VTI1A: variants seen among roughly 807,000 people sequenced by gnomAD.
The protein encoded by VTI1A is vesicle transport through interaction with t-SNAREs homolog 1A.
In VTI1A, 22 loss-of-function variants were observed where a neutral mutation model predicts 34.9. That is an observed-to-expected ratio of 0.63 (90% CI 0.45 to 0.90). The LOEUF (loss-of-function observed/expected upper bound fraction) is 0.90, where lower values mean the gene tolerates loss of function less well. VTI1A is among the 40% of genes least tolerant of loss of function. The pLI, the probability that VTI1A is intolerant of heterozygous loss-of-function variation, is 0.00. For missense variants in VTI1A, 268 were observed against 275.6 expected (o/e 0.97, Z 0.20); for synonymous variants, 87 against 97.3 (o/e 0.89, Z 0.62).
chr10:112,830,287 C>T, the VTI1A span, among the ~76,000 whole-genome samples: 92 of 152,056 alleles, frequency 6.1e-4, no homozygotes, highest in African/African-American at 2.1e-3. Context: ...GACGCCTACC[C>T]CTGGCCAGGC....
intron 3 of VTI1A, among the ~76,000 whole-genome samples, chr10:112,476,910 G>A (rs936506554): frequency 6.6e-6 from 1 of 152,244 alleles, no homozygotes; most frequent in East Asian, 1.9e-4. Context: ...TTTTGACTTA[G>A]CATATAGCTT....
intron 7 of VTI1A, among the ~76,000 whole-genome samples, chr10:112,697,399 C>CTTTTTTTTTT (rs57723783): frequency 7.0e-5 from 8 of 114,014 alleles, no homozygotes; most frequent in East Asian, 2.6e-4. Flanking sequence ...CTTTTCTTTT[C>CTTTTTTTTTT]TTTTTTTTTT....
intron 5 of VTI1A, among the ~76,000 whole-genome samples, chr10:112,608,226 G>C (rs948404680): frequency 5.3e-5 from 8 of 152,134 alleles, no homozygotes; most frequent in African/African-American, 1.9e-4. Flanking sequence ...CCTTCCAGTA[G>C]AATTAGACAA....
At chr10:112,654,246 C>T (rs1300448485) in intron 5 of VTI1A, among the ~76,000 whole-genome samples, 2 of 152,144 alleles carry the variant, frequency 1.3e-5, no homozygotes, top group African/African-American at 2.4e-5. Flanking sequence ...CATTGACCAG[C>T]AGTTGCCATC....
chr10:112,614,810 C>T (rs1426020436), intron 5 of VTI1A, among the ~76,000 whole-genome samples: 1 of 152,158 alleles, frequency 6.6e-6, no homozygotes, highest in Non-Finnish European at 1.5e-5. Flanking sequence ...GAAATTACAA[C>T]ACTGAAAATC....
the VTI1A span, among the ~76,000 whole-genome samples, chr10:112,830,048 C>T: frequency 6.6e-6 from 1 of 152,128 alleles, no homozygotes; most frequent in Non-Finnish European, 1.5e-5. Context: ...CTGGTAGAAT[C>T]CTAGTCCATT....
At chr10:112,614,846 C>G (rs1433579235) in intron 5 of VTI1A, among the ~76,000 whole-genome samples, 1 of 152,138 alleles carries the variant, frequency 6.6e-6, no homozygotes, top group African/African-American at 2.4e-5. Flanking sequence ...CAGCAAGGCT[C>G]TCAGCAGAAA....
intron 5 of VTI1A, among the ~76,000 whole-genome samples, chr10:112,541,185 A>G (rs1033014058): frequency 1.3e-5 from 2 of 152,166 alleles, no homozygotes; most frequent in African/African-American, 4.8e-5. Flanking sequence ...AGGCCCTTCA[A>G]ATTTTTTTTC....
At chr10:112,517,697 A>G (rs1849835984) in intron 3 of VTI1A, among the ~76,000 whole-genome samples, 1 of 152,096 alleles carries the variant, frequency 6.6e-6, no homozygotes, top group Non-Finnish European at 1.5e-5. Flanking sequence ...TCCCTCCGGA[A>G]AATATATGAC....
intron 3 of VTI1A, among the ~76,000 whole-genome samples, chr10:112,482,014 T>C (rs541301066): frequency 8.5e-5 from 13 of 152,336 alleles, no homozygotes; most frequent in Non-Finnish European, 1.5e-4. Context: ...ACTTATGATA[T>C]CAGTTTGAAT....
intron 5 of VTI1A, among the ~76,000 whole-genome samples, chr10:112,551,923 G>T (rs1010789648): frequency 1.3e-5 from 2 of 152,158 alleles, no homozygotes; most frequent in Non-Finnish European, 2.9e-5. Context: ...ATTTTTACTT[G>T]AAAGTGATAA....
chr10:112,533,050 ATACT>A (rs1850501665), intron 4 of VTI1A, among the ~76,000 whole-genome samples: 2 of 152,108 alleles, frequency 1.3e-5, no homozygotes. Context: ...GTTGTTTTAA[ATACT>A]TACTGGAACC....
chr10:112,572,652 C>G (rs916177212), intron 5 of VTI1A, among the ~76,000 whole-genome samples: 1 of 152,066 alleles, frequency 6.6e-6, no homozygotes, highest in Non-Finnish European at 1.5e-5. Flanking sequence ...TCTTGGCTAA[C>G]ACGGTGAAAC....
intron 3 of VTI1A, among the ~76,000 whole-genome samples, chr10:112,497,794 A>G (rs1030473766): frequency 6.6e-6 from 1 of 152,196 alleles, no homozygotes; most frequent in Non-Finnish European, 1.5e-5. Flanking sequence ...CCGTTATTGT[A>G]TTATATTTTC....
At chr10:112,814,957 G>A (rs547258629) in intron 7 of VTI1A, among the ~76,000 whole-genome samples, 1 of 151,898 alleles carries the variant, frequency 6.6e-6, no homozygotes, top group African/African-American at 2.4e-5. Context: ...AGAGAAGCTC[G>A]CAAGGGGCCC....
At chr10:112,475,396 C>CTGATTGAATTCTGCAATTTAATTGCAGTT (rs1848246245) in intron 3 of VTI1A, among the ~76,000 whole-genome samples, 1 of 152,184 alleles carries the variant, frequency 6.6e-6, no homozygotes, top group Non-Finnish European at 1.5e-5. Flanking sequence ...TGTCAGATTC[C>CTGATTGAATTCTGCAATTTAATTGCAGTT]TGATTGAATT....
intron 5 of VTI1A, among the ~76,000 whole-genome samples, chr10:112,565,887 T>A (rs1851890159): frequency 6.6e-6 from 1 of 152,178 alleles, no homozygotes; most frequent in Non-Finnish European, 1.5e-5. Context: ...TAAAAGTTTT[T>A]ATTTACTATT....
In VTI1A at chr10:112,803,371, T is replaced by C. The variant is rs148518533; in HGVS notation, c.561-11919T>C. On this transcript the variant is annotated intron_variant, in intron 7 of 7. Coordinates refer to ENST00000393077, the MANE Select transcript of VTI1A (RefSeq NM_145206.4). The stretch of plus-strand genomic sequence containing the variant: ...GCATGAGCCACTGCACCCAGCCTCC[T>C]TCTTCATTTTAGAGAGAAGTGAGTT... 4.2e-3 allele frequency among the ~76,000 whole-genome samples: 642 copies of C among 152,332 alleles called. 2 individuals are homozygous for C. Among genetic ancestry groups the C allele is most frequent in the Non-Finnish European group, 6.9e-3 (472 of 68,006 alleles).
downstream of VTI1A, among the ~76,000 whole-genome samples, chr10:112,821,127 G>A (rs1276829284): frequency 6.6e-6 from 1 of 152,190 alleles, no homozygotes; most frequent in Non-Finnish European, 1.5e-5. Flanking sequence ...GGGGGCAGTC[G>A]CCAGGAAGCA....
Sources: allele counts gnomAD v4.1 joint callset (sites outside exome capture counted in the v4.1 genomes callset), GRCh38; gene constraint gnomAD v4.1.1; transcripts MANE v1.5; gene names NCBI Gene and HGNC (gene_info 2026-07-23, HGNC 2026-07-21).